FAM219A: variants seen among roughly 807,000 people sequenced by gnomAD.
The protein encoded by FAM219A is family with sequence similarity 219 member A, also known as protein FAM219A.
FAM219A carries 7 observed loss-of-function variants against 23.4 expected under a neutral mutation model. That is an observed-to-expected ratio of 0.30 (90% CI 0.17 to 0.56). The LOEUF (loss-of-function observed/expected upper bound fraction) is 0.56. Ranked by LOEUF, FAM219A falls within the 20% of genes least tolerant of loss-of-function variation. The pLI, the probability that FAM219A is intolerant of heterozygous loss-of-function variation, is 0.92. For synonymous variants in FAM219A, 93 were observed against 99.0 expected, an observed-to-expected ratio of 0.94 and a Z score of 0.36; for missense variants, 166 against 246.9, an observed-to-expected ratio of 0.67 and a Z score of 2.20.
intron 1 of FAM219A, among the ~76,000 whole-genome samples, chr9:34,429,802 G>A (rs1822623939): frequency 6.6e-6 from 1 of 152,200 alleles, no homozygotes; most frequent in Admixed American, 6.5e-5. Context: ...CGAAAGTCCA[G>A]TGATGGCTCA....
In FAM219A at chr9:34,442,420, C is replaced by T. The variant is rs555757606; in HGVS notation, c.60+15784G>A. On this transcript the variant is annotated intron_variant, in intron 1 of 5. Transcript: ENST00000651358. ...ACATATCAGGCCAGGCATGGCGGCT[C>T]ACGCCTGTAATCCCAGCACTTCGGG... Among the ~76,000 whole-genome samples the T allele has an allele frequency of 6.6e-5, 10 of 152,314 alleles. No homozygotes were observed. The South Asian group carries it at 2.1e-3, about 32-fold the overall frequency.
intron 1 of FAM219A, among the ~76,000 whole-genome samples, chr9:34,411,490 C>T (rs938053786): frequency 2.0e-5 from 3 of 151,330 alleles, no homozygotes; most frequent in Non-Finnish European, 2.9e-5. Flanking sequence ...GAGATCGAGA[C>T]CACAGTGAAA....
At chr9:34,402,305 T>C (rs756552357) in intron 4 of FAM219A, 82 bp downstream of exon 4, 4 of 1,613,978 alleles carry the variant, frequency 2.5e-6, no homozygotes, top group South Asian at 2.2e-5. Flanking sequence ...TCTGACAATA[T>C]AGCAGGTGTG....
At chr9:34,414,771 T>A (rs1821939238) in intron 1 of FAM219A, among the ~76,000 whole-genome samples, 1 of 151,986 alleles carries the variant, frequency 6.6e-6, no homozygotes, top group Non-Finnish European at 1.5e-5. Flanking sequence ...GCCCAGGGAG[T>A]CTTCTCTTAT....
At chr9:34,415,298 T>C (rs1053385514) in intron 1 of FAM219A, among the ~76,000 whole-genome samples, 2 of 152,170 alleles carry the variant, frequency 1.3e-5, no homozygotes, top group African/African-American at 4.8e-5. Context: ...CTCCAACTGG[T>C]CTTGGGAGTA....
At chr9:34,406,602 G>T in intron 1 of FAM219A, 1 of 407,714 alleles carries the variant, frequency 2.5e-6, no homozygotes, top group Non-Finnish European at 3.3e-6. Flanking sequence ...TAGGTGAGAA[G>T]ACAAATAATG....
chr9:34,441,722 G>A (rs1258362800), intron 1 of FAM219A, among the ~76,000 whole-genome samples: 1 of 152,022 alleles, frequency 6.6e-6, no homozygotes, highest in Non-Finnish European at 1.5e-5. Flanking sequence ...AAGGCTGAAG[G>A]GGGCTTTTAT....
rs959311349 is a variant in FAM219A, at chr9:34,457,754, T to TC, written c.60+449dup. On this transcript the variant is annotated intron_variant, in intron 1 of 5. Transcript: ENST00000651358. This position sits in a 1 kb window ranked among gnomAD's most constrained non-coding sequence, Gnocchi z 5.1. Reference sequence around the variant, plus strand: ...TCCAGCGGACAGGCGGGCAAGCCCCTCCTCTTCTAAAAGCTGATTCCCAAT... The same window carrying TC: ...TCCAGCGGACAGGCGGGCAAGCCCCTCCCTCTTCTAAAAGCTGATTCCCAAT... Among the ~76,000 whole-genome samples, 1 of 151,904 alleles carries TC rather than the reference T, an allele frequency of 6.6e-6. No homozygotes were observed. The highest frequency in any genetic ancestry group is 1.5e-5 in the Non-Finnish European group (1 of 67,978).
chr9:34,414,634 T>C (rs1821935169), intron 1 of FAM219A, among the ~76,000 whole-genome samples: 1 of 152,342 alleles, frequency 6.6e-6, no homozygotes, highest in African/African-American at 2.4e-5. Flanking sequence ...TGGAAGAGAA[T>C]CAGGGAAACA....
chr9:34,449,207 A>G (rs1042246696), intron 1 of FAM219A, among the ~76,000 whole-genome samples: 4 of 152,112 alleles, frequency 2.6e-5, no homozygotes, highest in African/African-American at 9.7e-5. Flanking sequence ...ATGGTGGTGC[A>G]CACCTGTAGT....
rs144243401 is a variant in FAM219A, at chr9:34,426,923, C to T, written c.61-20959G>A. 2.7e-3 allele frequency among the ~76,000 whole-genome samples: 416 copies of T among 152,068 alleles called. 4 individuals carry two copies. The highest frequency in any genetic ancestry group is 9.2e-3 in the African/African-American group (381 of 41,486). Reference sequence around the variant, plus strand: ...GGCCCCTGCTGCTAGGAAGATGGAACAGCAGTTTGGGTGGTCTCAACCAGC... The same window carrying T: ...GGCCCCTGCTGCTAGGAAGATGGAATAGCAGTTTGGGTGGTCTCAACCAGC... On this transcript the variant is annotated intron_variant, in intron 1 of 5. Transcript: ENST00000651358.
In FAM219A at chr9:34,400,791, A is replaced by G; in HGVS notation, c.*173T>C. On this transcript the variant is annotated 3_prime_UTR_variant, in exon 6 of 6. Transcript: ENST00000651358. ...AGTTTTGGTTTCTCCAGCTCCATGA[A>G]CACACAGAGGTACACGTCCTACCAT... 5 of 631,008 alleles carry G rather than the reference A, an allele frequency of 7.9e-6. No individual in the cohort carries two copies. The highest frequency in any genetic ancestry group is 1.2e-5 in the Non-Finnish European group (5 of 408,760). The allele number at this position is 631,008 out of a possible 1,614,324, so 39.1% of individuals were successfully genotyped here.
chr9:34,437,893 C>A (rs1822982488), intron 1 of FAM219A, among the ~76,000 whole-genome samples: 1 of 152,244 alleles, frequency 6.6e-6, no homozygotes, highest in East Asian at 1.9e-4. Context: ...AAGGCCAGAG[C>A]CGGCTCCCTC....
chr9:34,425,398 T>C (rs1822422318), intron 1 of FAM219A, among the ~76,000 whole-genome samples: 2 of 152,134 alleles, frequency 1.3e-5, no homozygotes, highest in Admixed American at 6.5e-5. Flanking sequence ...GAGAATCTCA[T>C]GAACCTGGGA....
intron 1 of FAM219A, among the ~76,000 whole-genome samples, chr9:34,421,034 G>GAGAGAGAGAGAGAGAGAGAGAT (rs1822261140): frequency 6.7e-6 from 1 of 150,170 alleles, no homozygotes; most frequent in African/African-American, 2.4e-5. Context: ...GAGAGAGAGA[G>GAGAGAGAGAGAGAGAGAGAGAT]AGAGAGAGAG....
intron 2 of FAM219A, among the ~76,000 whole-genome samples, chr9:34,405,496 C>A (rs1821600783): frequency 6.6e-6 from 1 of 152,208 alleles, no homozygotes; most frequent in Non-Finnish European, 1.5e-5. Flanking sequence ...TCTTTCCTTT[C>A]TATCCCTTAG....
intron 1 of FAM219A, among the ~76,000 whole-genome samples, chr9:34,436,263 T>G (rs888558282): frequency 1.7e-4 from 26 of 152,088 alleles, no homozygotes; most frequent in Non-Finnish European, 2.5e-4. Flanking sequence ...GGGTTTTTTT[T>G]GAGACAAGGT....
chr9:34,405,394 C>T (rs1821597252), intron 2 of FAM219A, among the ~76,000 whole-genome samples: 1 of 152,216 alleles, frequency 6.6e-6, no homozygotes, highest in African/African-American at 2.4e-5. Flanking sequence ...GAAGGGAAAA[C>T]TCCCCCAGAT....
chr9:34,412,602 G>GAA (rs34403925), intron 1 of FAM219A, among the ~76,000 whole-genome samples: 65,439 of 142,378 alleles, frequency 0.46, 15,346 homozygotes, highest in Middle Eastern at 0.58. Context: ...TGAGCGGAGT[G>GAA]AAAAAAAAAA....
Sources: gnomAD v4.1 joint callset for allele counts (sites outside exome capture counted in the v4.1 genomes callset) on GRCh38, gnomAD v4.1.1 for gene constraint, Gnocchi (gnomAD v3.1) non-coding constraint, MANE v1.5 for transcripts, NCBI Gene and HGNC (gene_info 2026-07-23, HGNC 2026-07-21) for gene names.